The following MEF2D variants were observed in gnomAD, a reference collection of about 807,000 sequenced individuals.
The protein encoded by MEF2D is myocyte enhancer factor 2D.
Under a neutral mutation model 59.3 loss-of-function variants are expected in MEF2D, and 10 were observed. The observed-to-expected ratio is 0.17, with a 90% CI of 0.10 to 0.29. MEF2D has a LOEUF of 0.29. Among genes scored for constraint, MEF2D ranks in the 10% least tolerant of loss-of-function variants. The pLI, the probability that MEF2D is intolerant of heterozygous loss-of-function variation, is 1.00. For synonymous variants in MEF2D, 305 were observed against 295.0 expected, an observed-to-expected ratio of 1.03 and a Z score of -0.35; for missense variants, 508 against 699.4, an observed-to-expected ratio of 0.73 and a Z score of 3.09.
In MEF2D at chr1:156,483,394, C is replaced by T; in HGVS notation, c.-102G>A. On this transcript the variant is annotated 5_prime_UTR_variant, in exon 2 of 12. An upstream open reading frame in the 5' UTR loses its in-frame stop. Coordinates refer to ENST00000348159, the MANE Select transcript of MEF2D (RefSeq NM_005920.4). Reference sequence around the variant, plus strand: ...TCATGAACGGTCTGGGAACAGTGCTCAGTTCATGGTCTGCAGGATACCTTC... The same window carrying T: ...TCATGAACGGTCTGGGAACAGTGCTTAGTTCATGGTCTGCAGGATACCTTC... The T allele has an allele frequency of 8.9e-7, 1 of 1,124,370 alleles. No individual in the cohort carries two copies. Among genetic ancestry groups the T allele is most frequent in the Admixed American group, 1.7e-5 (1 of 58,224 alleles). 69.6% of individuals were successfully genotyped at this position (1,124,370 alleles called of 1,614,324 possible). A position where few individuals can be genotyped will look rare whatever the true frequency, so the allele number is the denominator to read the frequency against.
chr1:156,483,132 A>G (rs1311701620), intron 2 of MEF2D, 107 bp downstream of exon 2: 4 of 1,171,142 alleles, frequency 3.4e-6, no homozygotes, highest in Non-Finnish European at 5.1e-6. Flanking sequence ...GTAATAGCTT[A>G]TAGTTTCCCC....
chr1:156,498,794 C>T (rs1438392464), intron 1 of MEF2D, among the ~76,000 whole-genome samples: 2 of 152,268 alleles, frequency 1.3e-5, no homozygotes, highest in East Asian at 3.9e-4. Context: ...GAAGGAGCTC[C>T]ATATAAGCTC....
At chr1:156,471,097 C>T (rs1245607958) in intron 9 of MEF2D, among the ~76,000 whole-genome samples, 1 of 152,062 alleles carries the variant, frequency 6.6e-6, no homozygotes, top group Non-Finnish European at 1.5e-5. Context: ...GCTCTGTTGC[C>T]CAGACTGGAG....
Position 156,479,900 on chromosome 1 carries a change from C to A in MEF2D, c.397-104G>T, listed in dbSNP as rs532831495. On this transcript the variant is annotated intron_variant, in intron 4 of 11. Transcript: ENST00000348159. ...AAGGGTTCTTCTCATTTCTGGGCTA[C>A]GCATCCTAGGGCCAGCAGTTCAAGC... The A allele has an allele frequency of 1.9e-4, 222 of 1,154,022 alleles. 2 individuals carry two copies. In the South Asian group the frequency reaches 3.0e-3, roughly 16 times the overall value. 71.5% of individuals were successfully genotyped at this position (1,154,022 alleles called of 1,614,324 possible).
At chr1:156,492,173 G>C (rs1467829527) in intron 1 of MEF2D, among the ~76,000 whole-genome samples, 1 of 152,264 alleles carries the variant, frequency 6.6e-6, no homozygotes, top group Non-Finnish European at 1.5e-5. Flanking sequence ...TTAGTGCTAA[G>C]GTTGGGGCGG....
chr1:156,483,644 G>T (rs142239970), intron 1 of MEF2D, among the ~76,000 whole-genome samples: 1 of 152,174 alleles, frequency 6.6e-6, no homozygotes, highest in Non-Finnish European at 1.5e-5. Flanking sequence ...CTTTCCCCTC[G>T]GTCACTGCTG....
intron 6 of MEF2D, among the ~76,000 whole-genome samples, chr1:156,478,738 C>G (rs2102084763): frequency 6.6e-6 from 1 of 152,258 alleles, no homozygotes; most frequent in Middle Eastern, 3.4e-3. Flanking sequence ...CCATGTTTGT[C>G]AGGCTGGTCT....
intron 6 of MEF2D, 92 bp from the exon 7 acceptor site, chr1:156,477,294 G>C (rs1290201550): frequency 3.5e-6 from 4 of 1,144,332 alleles, no homozygotes; most frequent in African/African-American, 1.6e-5. Context: ...CTGTTACCCG[G>C]AACCTCTCAA....
chr1:156,480,872 C>A lies in MEF2D; in HGVS notation c.358G>T (p.Ala120Ser), dbSNP rs754795472. ...AAGAGCCCGTCGAGCTCCTCGCTGGCGCGTCGGTACTTGTCCTCCAGCAGG... is the reference window on the plus strand; with the variant it reads ...AAGAGCCCGTCGAGCTCCTCGCTGGAGCGTCGGTACTTGTCCTCCAGCAGG... ...SPLLEDKYRR[A>S]SEELDGLFRR... The change falls in exon 4 of 12, where the codon GCC becomes TCC. Residue 120 changes from alanine (A) to serine (S), a missense_variant. Coordinates refer to ENST00000348159, the MANE Select transcript of MEF2D (RefSeq NM_005920.4). 1 of 1,604,282 alleles carries A rather than the reference C, an allele frequency of 6.2e-7. No individual in the cohort carries two copies. Among genetic ancestry groups the A allele is most frequent in the Admixed American group, 1.7e-5 (1 of 58,896 alleles).
chr1:156,479,659 G>A lies in MEF2D; in HGVS notation c.534C>T (p.Leu178=), dbSNP rs1430027945. The change falls in exon 5 of 12, where the codon CTC becomes CTT. Residue 178 remains leucine (L), a synonymous_variant. Transcript: ENST00000348159. The part of the protein sequence containing the change: ...LVTSSLTDPR[L]LSPQQPALQR... ...GTAGTGCTGGCTGCTGGGGGGACAGGAGCCGCGGGTCCGTGAGGGATGATG... is the reference window on the plus strand; with the variant it reads ...GTAGTGCTGGCTGCTGGGGGGACAGAAGCCGCGGGTCCGTGAGGGATGATG... The A allele has an allele frequency of 1.9e-6, 3 of 1,552,134 alleles. No homozygotes were observed. The highest frequency in any genetic ancestry group is 2.7e-5 in the African/African-American group (2 of 73,132).
At chr1:156,471,051 CTATT>C (rs1001049411) in intron 9 of MEF2D, among the ~76,000 whole-genome samples, 12 of 152,148 alleles carry the variant, frequency 7.9e-5, no homozygotes, top group African/African-American at 2.4e-4. Flanking sequence ...CTAGGATCAA[CTATT>C]TCTTTTCTTT....
In MEF2D at chr1:156,490,993, C is replaced by T. The variant is rs141531690; in HGVS notation, c.-138-7563G>A. Reference sequence around the variant, plus strand: ...CACTTCCCACTGCAGCTCTGACCTTCCCCTTATGGCCTCTGGGCTGGCTCC... The same window carrying T: ...CACTTCCCACTGCAGCTCTGACCTTTCCCTTATGGCCTCTGGGCTGGCTCC... On this transcript the variant is annotated intron_variant, in intron 1 of 11. Coordinates refer to ENST00000348159, the MANE Select transcript of MEF2D (RefSeq NM_005920.4). 6.0e-4 allele frequency among the ~76,000 whole-genome samples: 92 copies of T among 152,298 alleles called. 1 individual carries two copies. The East Asian group carries it at 0.015, about 25-fold the overall frequency.
rs563121560 is a variant in MEF2D at position 156,472,542 on chromosome 1, T to C, written c.1006+2566A>G. The stretch of plus-strand genomic sequence containing the variant: ...CCTACACAGAGGGCTGGGTTCTGGA[T>C]TTTTCTTTTTTTTCCCTTTTTTTGA... On this transcript the variant is annotated intron_variant, in intron 9 of 11. Transcript: ENST00000348159. 7.9e-5 allele frequency among the ~76,000 whole-genome samples: 12 copies of C among 151,844 alleles called. No homozygotes were observed. The East Asian group carries it at 2.3e-3, about 29-fold the overall frequency.
Position 156,468,847 on chromosome 1 carries a change from G to A in MEF2D, c.1180C>T (p.Pro394Ser). The A allele has an allele frequency of 6.2e-7, 1 of 1,613,994 alleles. No individual in the cohort carries two copies. The stretch of plus-strand genomic sequence containing the variant: ...TGAGGTGGCTGTTGCGGCTGCTGAG[G>A]CTGCTGTGGCTGTGGCTGCTGTGGC... ...PQPQQPQPQQ[P>S]QQPQQPPQQQ... The change falls in exon 10 of 12, where the codon CCT becomes TCT. Residue 394 changes from proline (P) to serine (S), a missense_variant. Transcript: ENST00000348159. This position sits in a 1 kb window ranked among gnomAD's most constrained non-coding sequence, Gnocchi z 4.3.
chr1:156,483,735 T>C (rs1298886804), intron 1 of MEF2D, among the ~76,000 whole-genome samples: 3 of 152,182 alleles, frequency 2.0e-5, no homozygotes, highest in Non-Finnish European at 2.9e-5. Flanking sequence ...GGCCCATTCT[T>C]CTCTCTAGAA....
chr1:156,473,125 C>A (rs1206959688), intron 9 of MEF2D, among the ~76,000 whole-genome samples: 1 of 152,056 alleles, frequency 6.6e-6, no homozygotes, highest in Non-Finnish European at 1.5e-5. Flanking sequence ...TCAAGTGATT[C>A]TCCTGCCTCT....
At chr1:156,478,666 G>C (rs890405856) in intron 6 of MEF2D, among the ~76,000 whole-genome samples, 1 of 152,154 alleles carries the variant, frequency 6.6e-6, no homozygotes, top group Non-Finnish European at 1.5e-5. Context: ...GAGTAGCTGG[G>C]ACTACAGGCA....
chr1:156,467,651 T>C lies in MEF2D; in HGVS notation c.1560A>G (p.Leu520=), dbSNP rs370060273. 7.8e-5 allele frequency: 103 copies of C among 1,326,334 alleles called. No homozygotes were observed. Among genetic ancestry groups the C allele is most frequent in the Non-Finnish European group, 5.7e-5 (59 of 1,029,476 alleles). The allele number at this position is 1,326,334 out of a possible 1,614,324, so 82.2% of individuals were successfully genotyped here. Residue 520 remains leucine, a synonymous_variant, in exon 12 of 12, where the codon TTA becomes TTG. Transcript: ENST00000348159. ...AGGAGGGGAGTGGGAATCGTCACTT[T>C]AATGTCTGTGAAGAGAGGAGATGGA... ...VKRMRLDTWT[L]K
intron 9 of MEF2D, among the ~76,000 whole-genome samples, chr1:156,469,566 G>T (rs1671090657): frequency 7.0e-6 from 1 of 142,794 alleles, no homozygotes; most frequent in Non-Finnish European, 1.5e-5. Context: ...CCAAGAGGTG[G>T]TTTTTAAAAA....
Sources: gnomAD v4.1 joint callset for allele counts (sites outside exome capture counted in the v4.1 genomes callset) on GRCh38, gnomAD v4.1.1 for gene constraint, Gnocchi (gnomAD v3.1) non-coding constraint, MANE v1.5 for transcripts, NCBI Gene and HGNC (gene_info 2026-07-23, HGNC 2026-07-21) for gene names.